ABCA6: variants seen among roughly 807,000 people sequenced by gnomAD.
ABCA6 encodes ATP binding cassette subfamily A member 6.
ABCA6 carries 164 observed loss-of-function variants against 191.2 expected under a neutral mutation model. That is an observed-to-expected ratio of 0.86 (90% CI 0.76 to 0.98). The LOEUF is 0.98. ABCA6 is among the 50% of genes least tolerant of loss of function. The pLI is 0.00. For missense variants in ABCA6, 1,958 were observed against 1,894.1 expected, an observed-to-expected ratio of 1.03 and a Z score of -0.63; for synonymous variants, 636 against 647.7, an observed-to-expected ratio of 0.98 and a Z score of 0.27.
intron 19 of ABCA6, 175 bp from the exon 20 acceptor site, chr17:69,105,803 T>A: frequency 1.4e-6 from 1 of 706,910 alleles, no homozygotes; most frequent in Non-Finnish European, 2.3e-6. Flanking sequence ...GGCATTACTA[T>A]ATAAACACCA....
intron 25 of ABCA6, chr17:69,094,903 G>A (rs1457595740): frequency 1.3e-5 from 2 of 152,582 alleles, no homozygotes; most frequent in Non-Finnish European, 2.9e-5. Flanking sequence ...AAGCATCTAT[G>A]AGGGGCACTC....
Position 69,134,602 on chromosome 17 carries a change from G to C in ABCA6, c.564+37C>G, listed in dbSNP as rs1349328673. The C allele has an allele frequency of 4.1e-6, 6 of 1,468,490 alleles. No individual in the cohort carries two copies. In the East Asian group the frequency reaches 6.8e-5, roughly 17 times the overall value. The allele number at this position is 1,468,490 out of a possible 1,614,324, so 91.0% of individuals were successfully genotyped here. ...AATCTTGAGGTCTCTGGAAGTAGCT[G>C]ACATTAATTAGTAGAACTTTTCAAT... On this transcript the variant is annotated intron_variant, in intron 5 of 38. Transcript: ENST00000284425.
intron 20 of ABCA6, among the ~76,000 whole-genome samples, chr17:69,103,619 C>T (rs1683151477): frequency 6.6e-6 from 1 of 152,036 alleles, no homozygotes; most frequent in African/African-American, 2.4e-5. Context: ...GAGCAAGCAG[C>T]TGAAGGTAAA....
At chr17:69,085,460 A>G (rs1459233109) in intron 31 of ABCA6, among the ~76,000 whole-genome samples, 165 bp downstream of exon 31, 1 of 151,420 alleles carries the variant, frequency 6.6e-6, no homozygotes, top group Non-Finnish European at 1.5e-5. Context: ...AAGTCCTGTT[A>G]TAAACACCTG....
Position 69,082,988 on chromosome 17 carries a change from T to C in ABCA6, c.4501A>G (p.Lys1501Glu). 6.2e-7 allele frequency: 1 copy of C among 1,614,214 alleles called. No homozygotes were observed. Among genetic ancestry groups the C allele is most frequent in the Middle Eastern group, 1.6e-4 (1 of 6,062 alleles). ...LRCIGSIQHL[K>E]NKLGKDYILE... The stretch of plus-strand genomic sequence containing the variant: ...ATGTAATCCTTGCCAAGTTTGTTTT[T>C]CAGGTGTTGGATGGAGCCAATGCAT... Residue 1501 changes from lysine to glutamate, a missense_variant, in exon 36 of 39, where the codon AAA becomes GAA. Coordinates refer to ENST00000284425, the MANE Select transcript of ABCA6 (RefSeq NM_080284.3).
chr17:69,099,323 T>C (rs1206752094), intron 22 of ABCA6, among the ~76,000 whole-genome samples: 2 of 152,176 alleles, frequency 1.3e-5, no homozygotes, highest in African/African-American at 4.8e-5. Context: ...ATTCTGTTTT[T>C]CATCATAGGA....
intron 2 of ABCA6, among the ~76,000 whole-genome samples, chr17:69,138,881 C>G (rs992585042): frequency 7.2e-5 from 11 of 151,878 alleles, no homozygotes; most frequent in African/African-American, 2.7e-4. Context: ...GCTGGGAAAA[C>G]TGGCTAGCCA....
intron 4 of ABCA6, chr17:69,135,453 G>A (rs2073933249): frequency 6.6e-6 from 1 of 152,504 alleles, no homozygotes; most frequent in Non-Finnish European, 1.5e-5. Context: ...GTGACTCAGT[G>A]GCTATTCCTT....
At chr17:69,129,104 C>T (rs1398319433) in intron 7 of ABCA6, among the ~76,000 whole-genome samples, 1 of 151,942 alleles carries the variant, frequency 6.6e-6, no homozygotes, top group Non-Finnish European at 1.5e-5. Flanking sequence ...TGTAATGAAG[C>T]TAAATTAATG....
chr17:69,091,123 CAGTT>C lies in ABCA6; in HGVS notation c.3528+16_3528+19del, dbSNP rs1568001357. On this transcript the variant is annotated intron_variant, in intron 26 of 38. Transcript: ENST00000284425. ...AGCTACATATTCAAAATTAATGACA[CAGTT>C]GGTAACATTTCTTACCACTTCCAAA... The C allele has an allele frequency of 4.4e-6, 7 of 1,596,908 alleles. No homozygotes were observed. The highest frequency in any genetic ancestry group is 6.0e-6 in the Non-Finnish European group (7 of 1,174,234).
rs777203184 is a variant in ABCA6 at position 69,113,670 on chromosome 17, T to G, written c.1850A>C (p.Glu617Ala). ...AAAAGTCAGCTTTCTTTTCTGTCCT[T>G]CACTTAAATGTTTAGCAAGGTTATC... ...IQDNLAKHLS[E>A]GQKRKLTFGI... is the part of the protein sequence containing the mutation. Residue 617 changes from glutamate (E) to alanine (A), a missense_variant, in exon 14 of 39, where the codon GAA (glutamate) becomes GCA (alanine). Glu to Ala is a moderately radical substitution (Grantham distance 107, BLOSUM62 -1). Transcript: ENST00000284425. 3 of 1,613,052 alleles carry G rather than the reference T, an allele frequency of 1.9e-6. No individual in the cohort carries two copies. In the East Asian group the frequency reaches 6.7e-5, roughly 36 times the overall value.
intron 28 of ABCA6, 180 bp from the exon 29 acceptor site, chr17:69,087,653 CT>C: frequency 1.3e-6 from 1 of 760,554 alleles, no homozygotes; most frequent in Non-Finnish European, 2.1e-6. Context: ...AGCCAGAATC[CT>C]TTTCTTAATG....
At position 69,102,771 on chromosome 17, in the gene ABCA6, G is replaced by C. The variant is rs2073208592; in HGVS notation, c.2874+64C>G. The C allele has an allele frequency of 4.1e-6, 6 of 1,478,468 alleles. No homozygotes were observed. In the South Asian group the frequency reaches 6.8e-5, roughly 17 times the overall value. 91.6% of individuals were successfully genotyped at this position (1,478,468 alleles called of 1,614,324 possible). ...CTGTATACTAGCTTTAATTTCTGCA[G>C]TTTTAAAACAGCTAAAATGTAGTAC... On this transcript the variant is annotated intron_variant, in intron 21 of 38. Transcript: ENST00000284425.
intron 37 of ABCA6, among the ~76,000 whole-genome samples, chr17:69,080,726 A>G (rs920783284): frequency 1.3e-5 from 2 of 152,208 alleles, no homozygotes; most frequent in African/African-American, 4.8e-5. Context: ...GAGTAAAGTA[A>G]TAATTTGGGA....
chr17:69,088,274 TAC>T lies in ABCA6; in HGVS notation c.3607-18_3607-17del, dbSNP rs1441059513. ...GAAAGTAGGGCTATGAGCAAAGAAA[TAC>T]AGTTATATTTAGGCATAAGTTCACA... is the stretch of plus-strand genomic sequence containing the variant. On this transcript the variant is annotated splice_polypyrimidine_tract_variant and intron_variant, in intron 27 of 38. Coordinates refer to ENST00000284425, the MANE Select transcript of ABCA6 (RefSeq NM_080284.3). 4.5e-6 allele frequency: 7 copies of T among 1,566,136 alleles called. No homozygotes were observed. Among genetic ancestry groups the T allele is most frequent in the African/African-American group, 1.4e-5 (1 of 73,234 alleles).
At chr17:69,082,750 C>A (rs1297129131) in intron 36 of ABCA6, 123 bp downstream of exon 36, 4 of 1,407,980 alleles carry the variant, frequency 2.8e-6, no homozygotes, top group African/African-American at 1.4e-5. Context: ...TGAACAAATC[C>A]TTTTCTGAGG....
intron 2 of ABCA6, 47 bp downstream of exon 2, chr17:69,140,558 AAAC>A: frequency 8.7e-7 from 1 of 1,152,360 alleles, no homozygotes; most frequent in Non-Finnish European, 1.2e-6. Flanking sequence ...GTAGGTAATG[AAAC>A]ACTGTAAGAG....
rs777767298 is a variant in ABCA6, at chr17:69,093,766, GA to G, written c.3408+2473del. 1.8e-3 allele frequency among the ~76,000 whole-genome samples: 277 copies of G among 152,154 alleles called. 1 individual carries two copies. The highest frequency in any genetic ancestry group is 1.7e-3 in the Non-Finnish European group (116 of 68,014). On this transcript the variant is annotated intron_variant, in intron 25 of 38. Transcript: ENST00000284425. ...ACAATTTTGAATTTCTTTCAAGTCTGACATTCCACCATTCTAGAAATATGTA... is the reference window on the plus strand; with the variant it reads ...ACAATTTTGAATTTCTTTCAAGTCTGCATTCCACCATTCTAGAAATATGTA...
chr17:69,097,866 A>G, intron 23 of ABCA6, 54 bp downstream of exon 23: 3 of 1,311,766 alleles, frequency 2.3e-6, no homozygotes, highest in Non-Finnish European at 3.1e-6. Flanking sequence ...CATAGCATTC[A>G]AAATACAGAT....
Sources: allele counts gnomAD v4.1 joint callset (sites outside exome capture counted in the v4.1 genomes callset), GRCh38; gene constraint gnomAD v4.1.1; transcripts MANE v1.5; gene names NCBI Gene and HGNC (gene_info 2026-07-23, HGNC 2026-07-21).